Variants in TTN observed in about 807,000 individuals in gnomAD.
The protein encoded by TTN is connectin.
Under a neutral mutation model 3,223.0 loss-of-function variants are expected in TTN, and 1,525 were observed. The observed-to-expected ratio is 0.47, with a 90% CI of 0.45 to 0.49. TTN has a LOEUF of 0.49. TTN is among the 20% of genes least tolerant of loss of function. The probability of loss-of-function intolerance (pLI) is 0.00; values close to 1 mark genes in which losing one functional copy is unlikely to be tolerated. For synonymous variants in TTN, 14,094 were observed against 15,161.0 expected (o/e 0.93, Z 5.17); for missense variants, 40,786 against 43,424.0 (o/e 0.94, Z 5.40).
rs773760649 is a variant in TTN, at chr2:178,715,066, G to A, written c.26120C>T (p.Ala8707Val). 5.0e-6 allele frequency: 8 copies of A among 1,613,528 alleles called. No individual in the cohort carries two copies. The highest frequency in any genetic ancestry group is 5.1e-6 in the Non-Finnish European group (6 of 1,179,670). ...LTSIHILNVDAADIGEYQCKA... is the reference protein window; with the variant it reads ...LTSIHILNVDVADIGEYQCKA... ...ACACTGATATTCCCCAATGTCTGCA[G>A]CATCGACATTCAGGATGTGGATACT... Residue 8707 changes from alanine to valine, a missense_variant, in exon 90 of 363, where the codon GCT becomes GTT. By Grantham distance (64) the Ala-to-Val change is moderately conservative. Coordinates refer to ENST00000589042, the MANE Select transcript of TTN (RefSeq NM_001267550.2).
intron 46 of TTN, among the ~76,000 whole-genome samples, chr2:178,754,171 T>C (rs2086329266): frequency 6.6e-6 from 1 of 152,114 alleles, no homozygotes; most frequent in Non-Finnish European, 1.5e-5. Flanking sequence ...ATTATGCACA[T>C]AATAACTGTA....
chr2:178,728,500 C>T lies in TTN; in HGVS notation c.19426G>A (p.Asp6476Asn), dbSNP rs1399156064. 3.1e-6 allele frequency: 5 copies of T among 1,605,866 alleles called. No homozygotes were observed. Among genetic ancestry groups the T allele is most frequent in the Non-Finnish European group, 4.3e-6 (5 of 1,174,478 alleles). Reference sequence around the variant, plus strand: ...AGCTGACTGGGGTGAAGATACAAACCTAGCACTCTTAAGTAGGCATCACAG... The same window carrying T: ...AGCTGACTGGGGTGAAGATACAAACTTAGCACTCTTAAGTAGGCATCACAG... ...SSCDAYLRVLDQNIPPSFTKK... is the reference protein window; with the variant it reads ...SSCDAYLRVLNQNIPPSFTKK... The change falls in exon 66 of 363, where the codon GAT (aspartate) becomes AAT (asparagine). Residue 6476 changes from aspartate to asparagine, a missense_variant and splice_region_variant. Transcript: ENST00000589042.
At chr2:178,667,348 A>T (rs1335344153) in intron 161 of TTN, 29 bp from the exon 162 acceptor site, 1 of 1,574,264 alleles carries the variant, frequency 6.4e-7, no homozygotes, top group Admixed American at 1.8e-5. Context: ...GTTTACATTT[A>T]AAAGTTGTAA....
rs2062545695 is a variant in TTN, at chr2:178,649,343, T to C, written c.39974-12A>G. 6 of 1,423,948 alleles carry C rather than the reference T, an allele frequency of 4.2e-6. No homozygotes were observed. Among genetic ancestry groups the C allele is most frequent in the East Asian group, 5.3e-5 (2 of 37,916 alleles). The allele number at this position is 1,423,948 out of a possible 1,614,324, so 88.2% of individuals were successfully genotyped here. On this transcript the variant is annotated splice_polypyrimidine_tract_variant and intron_variant, in intron 212 of 362. Coordinates refer to ENST00000589042, the MANE Select transcript of TTN (RefSeq NM_001267550.2). ...GGGCACCTCAGGCACTTTGAAGATA[T>C]TAGTTTTGTTTTAAAAATAGTATTT...
rs199590524 is a variant in TTN, at chr2:178,795,079, G to A, written c.1088C>T (p.Thr363Met). The A allele has an allele frequency of 2.5e-5, 41 of 1,613,936 alleles. No homozygotes were observed. The highest frequency in any genetic ancestry group is 4.4e-5 in the South Asian group (4 of 91,082). Residue 363 changes from threonine (T) to methionine (M), a missense_variant, in exon 7 of 363, where the codon ACG becomes ATG. Physicochemically the swap from Thr to Met is moderately conservative, Grantham distance 81. Transcript: ENST00000589042. ...CCTGATCTGAGTAGAGGTTGTCAGC[G>A]TTGTCTCTCTCATCTCAGCCTCAGA... ...SSSEAEMRET[T>M]LTTSTQIRTE...
chr2:178,687,808 A>G (rs1205968777), intron 127 of TTN, among the ~76,000 whole-genome samples: 1 of 152,230 alleles, frequency 6.6e-6, no homozygotes, highest in Non-Finnish European at 1.5e-5. Context: ...AGTCCTGTTT[A>G]ATGAAAGGAT....
Position 178,756,288 on chromosome 2 carries a change from A to G in TTN, c.11188T>C (p.Tyr3730His). ...CNVQLVDQGL[Y>H]SCIVHNDCGE... ...CAGTCATTGTGTACAATGCAGCTGT[A>G]TAGTCCTTGGTCTACCAGCTGAACA... Residue 3730 changes from tyrosine (Y) to histidine (H), a missense_variant, in exon 46 of 363, where the codon TAC becomes CAC. Physicochemically the swap from Tyr to His is moderately conservative, Grantham distance 83 (BLOSUM62 2). Transcript: ENST00000589042. 1.9e-6 allele frequency: 3 copies of G among 1,613,862 alleles called. No homozygotes were observed. Among genetic ancestry groups the G allele is most frequent in the Non-Finnish European group, 2.5e-6 (3 of 1,179,748 alleles).
Position 178,559,988 on chromosome 2 carries a change from A to C in TTN, c.86144T>G (p.Leu28715Arg). ...LRGTEYTISG[L>R]TTGAEYVFRV... Reference sequence around the variant, plus strand: ...GAAAACATATTCAGCTCCTGTTGTTAGTCCGCTTATTGTATATTCTGTCCC... The same window carrying C: ...GAAAACATATTCAGCTCCTGTTGTTCGTCCGCTTATTGTATATTCTGTCCC... The change falls in exon 326 of 363, where the codon CTA (leucine) becomes CGA (arginine). Residue 28715 changes from leucine to arginine, a missense_variant. Physicochemically the swap from Leu to Arg is moderately radical, Grantham distance 102. Coordinates refer to ENST00000589042, the MANE Select transcript of TTN (RefSeq NM_001267550.2). The C allele has an allele frequency of 6.2e-7, 1 of 1,613,794 alleles. No homozygotes were observed. Among genetic ancestry groups the C allele is most frequent in the South Asian group, 1.1e-5 (1 of 91,084 alleles).
chr2:178,755,851 T>C (rs958283827), intron 46 of TTN, among the ~76,000 whole-genome samples: 1 of 152,172 alleles, frequency 6.6e-6, no homozygotes, highest in Non-Finnish European at 1.5e-5. Context: ...ACAATTAAAC[T>C]GAAATTTACC....
intron 132 of TTN, 107 bp downstream of exon 132, chr2:178,684,223 A>G: frequency 7.3e-7 from 1 of 1,363,310 alleles, no homozygotes; most frequent in South Asian, 1.3e-5. Flanking sequence ...CAACAACAAC[A>G]ACATCAACAA....
Position 178,740,831 on chromosome 2 carries a change from G to A in TTN, c.12402C>T (p.Ile4134=), listed in dbSNP as rs1375938618. The A allele has an allele frequency of 6.2e-7, 1 of 1,613,672 alleles. No individual in the cohort carries two copies. Among genetic ancestry groups the A allele is most frequent in the East Asian group, 2.2e-5 (1 of 44,872 alleles). Residue 4134 remains isoleucine, a synonymous_variant, in exon 48 of 363, where the codon ATC becomes ATT. Coordinates refer to ENST00000589042, the MANE Select transcript of TTN (RefSeq NM_001267550.2). ...GAGGCTGAAAGTGAATACTGCCATT[G>A]ATGCAAAGAAATTCCCTGGTGCTTT... ...TPESTREFLC[I]NGSIHFQPLK...
At chr2:178,760,455 G>A (rs1180046367) in intron 43 of TTN, among the ~76,000 whole-genome samples, 2 of 152,110 alleles carry the variant, frequency 1.3e-5, no homozygotes, top group Admixed American at 1.3e-4. Flanking sequence ...GCTTGAACCC[G>A]GGAGGGGGAG....
Position 178,552,527 on chromosome 2 carries a change from G to A in TTN, c.90373C>T (p.Leu30125Phe), listed in dbSNP as rs1404095052. ...AGGTCAACTTCAGGTGTAATAATAAGTTCTTTCACTGTAATTGGCCCAATA... is the reference window on the plus strand; with the variant it reads ...AGGTCAACTTCAGGTGTAATAATAAATTCTTTCACTGTAATTGGCCCAATA... Reference protein sequence around the residue: ...VTIGPITVKELIITPEVDLSD... With the variant: ...VTIGPITVKEFIITPEVDLSD... Residue 30125 changes from leucine to phenylalanine, a missense_variant, in exon 335 of 363, where the codon CTT becomes TTT. Coordinates refer to ENST00000589042, the MANE Select transcript of TTN (RefSeq NM_001267550.2). 1 of 1,613,732 alleles carries A rather than the reference G, an allele frequency of 6.2e-7. No homozygotes were observed. The highest frequency in any genetic ancestry group is 1.7e-4 in the Middle Eastern group (1 of 6,060).
rs574823514 is a variant in TTN, at chr2:178,580,569, T to G, written c.66810A>C (p.Thr22270=). The G allele has an allele frequency of 2.5e-6, 4 of 1,612,168 alleles. No individual in the cohort carries two copies. The African/African-American group carries it at 4.0e-5, about 16-fold the overall frequency. Residue 22270 remains threonine (T), a synonymous_variant, in exon 317 of 363, where the codon ACA becomes ACC. Transcript: ENST00000589042. ...TAGTAACTCCAGCACGTAATATGAG[T>G]GTCTTCCTTAAGTCCGCATCAAGTT... is the stretch of plus-strand genomic sequence containing the variant. ...EGELDADLRK[T]LILRAGVTMR...
intron 24 of TTN, chr2:178,778,543 G>T (rs2092462945): frequency 1.1e-5 from 4 of 358,430 alleles, no homozygotes; most frequent in South Asian, 1.0e-4. Context: ...GGGCCTCAGT[G>T]TTCCTATTTC....
intron 124 of TTN, 74 bp from the exon 125 acceptor site, chr2:178,689,210 C>T (rs2071702011): frequency 6.3e-7 from 1 of 1,586,700 alleles, no homozygotes; most frequent in Non-Finnish European, 8.6e-7. Flanking sequence ...AAGAAATACA[C>T]CCACAGTGCA....
intron 47 of TTN, chr2:178,748,259 A>G: frequency 6.2e-7 from 1 of 1,613,018 alleles, no homozygotes; most frequent in Non-Finnish European, 8.5e-7. Flanking sequence ...AGTTTTTAAA[A>G]TGTCTAAGTT....
At position 178,768,942 on chromosome 2, in the gene TTN, G is replaced by C. The variant is rs1455526915; in HGVS notation, c.8903-9C>G. ...GGAAGTAATCATGATTGCTGCAAAG[G>C]AGAAAAGAAAAAACACCCAAGGAGA... On this transcript the variant is annotated splice_polypyrimidine_tract_variant and intron_variant, in intron 37 of 362. Coordinates refer to ENST00000589042, the MANE Select transcript of TTN (RefSeq NM_001267550.2). 3 of 1,613,146 alleles carry C rather than the reference G, an allele frequency of 1.9e-6. No homozygotes were observed. Among genetic ancestry groups the C allele is most frequent in the East Asian group, 2.2e-5 (1 of 44,774 alleles).
rs1705511518 is a variant in TTN at position 178,565,646 on chromosome 2, A to G, written c.80486T>C (p.Ile26829Thr). 5.6e-6 allele frequency: 9 copies of G among 1,613,426 alleles called. No homozygotes were observed. Among genetic ancestry groups the G allele is most frequent in the Admixed American group, 1.7e-5 (1 of 59,976 alleles). Reference sequence around the variant, plus strand: ...ATTACAGACTTTGGATTCAGCCACAATGCTCCATTTTTCAGTTCCTTTGGG... The same window carrying G: ...ATTACAGACTTTGGATTCAGCCACAGTGCTCCATTTTTCAGTTCCTTTGGG... ...MQPKGTEKWSIVAESKVCNAV... is the reference protein window; with the variant it reads ...MQPKGTEKWSTVAESKVCNAV... The change falls in exon 326 of 363, where the codon ATT becomes ACT. Residue 26829 changes from isoleucine to threonine, a missense_variant. Physicochemically the swap from Ile to Thr is moderately conservative, Grantham distance 89. Coordinates refer to ENST00000589042, the MANE Select transcript of TTN (RefSeq NM_001267550.2).
Sources: gnomAD v4.1 joint callset for allele counts (sites outside exome capture counted in the v4.1 genomes callset) on GRCh38, gnomAD v4.1.1 for gene constraint, MANE v1.5 for transcripts, NCBI Gene and HGNC (gene_info 2026-07-23, HGNC 2026-07-21) for gene names.